Variants in PHF12 observed in about 807,000 individuals in gnomAD.
PHF12 encodes the protein PHD finger protein 12, also known as PHD factor 1.
In PHF12, 6 loss-of-function variants were observed where a neutral mutation model predicts 99.8. The ratio of observed to expected loss-of-function variants is 0.06; its 90% CI spans 0.03 to 0.12. The LOEUF (loss-of-function observed/expected upper bound fraction) is 0.12. Among genes scored for constraint, PHF12 ranks in the 10% least tolerant of loss-of-function variants. The probability of loss-of-function intolerance (pLI) is 1.00; values close to 1 mark genes in which losing one functional copy is unlikely to be tolerated. For synonymous variants in PHF12, 480 were observed against 514.9 expected, an observed-to-expected ratio of 0.93 and a Z score of 0.92; for missense variants, 954 against 1,300.1, an observed-to-expected ratio of 0.73 and a Z score of 4.09.
At chr17:28,911,418 C>A (rs947913259) in intron 9 of PHF12, 181 bp from the exon 10 acceptor site, 2 of 752,248 alleles carry the variant, frequency 2.7e-6, no homozygotes, top group African/African-American at 1.8e-5. Flanking sequence ...GCAGATGGAA[C>A]GACAAAGCAC....
In PHF12 at chr17:28,914,671, C is replaced by CAAAAAA. The variant is rs61203588; in HGVS notation, c.1135-640_1135-635dup. Among the ~76,000 whole-genome samples the CAAAAAA allele has an allele frequency of 8.6e-3, 261 of 30,334 alleles. 30 individuals are homozygous for CAAAAAA. The highest frequency in any genetic ancestry group is 0.039 in the East Asian group (24 of 622). The allele number at this position is 30,334 out of a possible 152,430, so 19.9% of individuals were successfully genotyped here. A position where few individuals can be genotyped will look rare whatever the true frequency, so the allele number is the denominator to read the frequency against. ...TGGGTGAAAGAGCGAGACTCCGTCT[C>CAAAAAA]AAAAAAAAAAAAAAAAAAAAAAAAA... On this transcript the variant is annotated intron_variant, in intron 7 of 14. Coordinates refer to ENST00000332830, the MANE Select transcript of PHF12 (RefSeq NM_001033561.2).
chr17:28,940,656 G>C (rs897460674), intron 2 of PHF12, among the ~76,000 whole-genome samples: 32 of 152,168 alleles, frequency 2.1e-4, no homozygotes, highest in African/African-American at 7.0e-4. Flanking sequence ...ATAACCTTAG[G>C]CTTAAAGGAT....
chr17:28,910,398 C>T, intron 10 of PHF12, 29 bp from the exon 11 acceptor site: 1 of 1,593,102 alleles, frequency 6.3e-7, no homozygotes, highest in African/African-American at 1.3e-5. Flanking sequence ...GATTAAAAAG[C>T]AGCTGAGATG....
At chr17:28,947,901 A>AAT (rs1555609181) in intron 2 of PHF12, among the ~76,000 whole-genome samples, 1 of 151,760 alleles carries the variant, frequency 6.6e-6, no homozygotes, top group South Asian at 2.1e-4. Flanking sequence ...AAAAAAAAAA[A>AAT]TTTCAATGAA....
intron 9 of PHF12, among the ~76,000 whole-genome samples, chr17:28,911,644 G>C (rs2039962709): frequency 1.3e-5 from 2 of 152,206 alleles, no homozygotes; most frequent in African/African-American, 4.8e-5. Context: ...AACAGAGATA[G>C]GAAAACAGCC....
chr17:28,943,888 G>T (rs2152678659), intron 2 of PHF12, among the ~76,000 whole-genome samples: 1 of 152,280 alleles, frequency 6.6e-6, no homozygotes, highest in South Asian at 2.1e-4. Flanking sequence ...GTAATTTTAG[G>T]TATCACTTGT....
Position 28,949,711 on chromosome 17 carries a change from C to T in PHF12, c.248+354G>A. On this transcript the variant is annotated intron_variant, in intron 2 of 14. Transcript: ENST00000332830. This position sits in a 1 kb window ranked among gnomAD's most constrained non-coding sequence, Gnocchi z 4.6. ...GGGCAGGAGCCCCGAGGGCAGCGGGCGCGCGGGCAGGCAAGCGGCACTGGG... is the reference window on the plus strand; with the variant it reads ...GGGCAGGAGCCCCGAGGGCAGCGGGTGCGCGGGCAGGCAAGCGGCACTGGG... The T allele has an allele frequency of 5.3e-6, 1 of 187,154 alleles. No homozygotes were observed. 11.6% of individuals were successfully genotyped at this position (187,154 alleles called of 1,614,324 possible). A position where few individuals can be genotyped will look rare whatever the true frequency, so the allele number is the denominator to read the frequency against.
At chr17:28,920,000 C>A (rs1347156665) in intron 5 of PHF12, among the ~76,000 whole-genome samples, 1 of 152,154 alleles carries the variant, frequency 6.6e-6, no homozygotes, top group Non-Finnish European at 1.5e-5. Context: ...CACTAGCAAC[C>A]TTTCTGGAGT....
chr17:28,925,914 C>CT (rs1160922905), intron 3 of PHF12: 2 of 152,238 alleles, frequency 1.3e-5, no homozygotes, highest in Non-Finnish European at 2.9e-5. Flanking sequence ...TCAGGTCCAG[C>CT]TTTTTTGAGT....
At chr17:28,944,806 G>A (rs2040692929) in intron 2 of PHF12, 1 of 152,200 alleles carries the variant, frequency 6.6e-6, no homozygotes, top group Non-Finnish European at 1.5e-5. Context: ...CGAGGGGAAG[G>A]AATCTAGACG....
intron 2 of PHF12, among the ~76,000 whole-genome samples, chr17:28,946,776 G>T (rs201720893): frequency 2.0e-5 from 3 of 152,006 alleles, no homozygotes; most frequent in Admixed American, 6.6e-5. Context: ...GGCCTCAGGC[G>T]ATCCTCCCAC....
At position 28,950,361 on chromosome 17, in the gene PHF12, T is replaced by A. The variant is rs1323012912; in HGVS notation, c.67-115A>T. 8.4e-7 allele frequency: 1 copy of A among 1,189,882 alleles called. No homozygotes were observed. The highest frequency in any genetic ancestry group is 2.6e-5 in the Admixed American group (1 of 37,850). The allele number at this position is 1,189,882 out of a possible 1,614,324, so 73.7% of individuals were successfully genotyped here. A position where few individuals can be genotyped will look rare whatever the true frequency, so the allele number is the denominator to read the frequency against. On this transcript the variant is annotated intron_variant, in intron 1 of 14. Coordinates refer to ENST00000332830, the MANE Select transcript of PHF12 (RefSeq NM_001033561.2). The surrounding 1 kb of genome is among the most constrained non-coding windows in gnomAD (Gnocchi z 5.7). ...CTCTCCCCCCTTTTGTCCTTCTTCC[T>A]CCCATCCAGGCTGCTCCCAGAATCT...
chr17:28,921,390 C>T (rs2040162020), intron 5 of PHF12, among the ~76,000 whole-genome samples: 1 of 151,644 alleles, frequency 6.6e-6, no homozygotes, highest in African/African-American at 2.4e-5. Flanking sequence ...TGGTCTCAAG[C>T]TCCCAGGTTC....
chr17:28,911,052 G>A (rs2039950662), intron 10 of PHF12, 60 bp downstream of exon 10: 5 of 1,608,310 alleles, frequency 3.1e-6, no homozygotes, highest in Non-Finnish European at 3.4e-6. Flanking sequence ...GCTGAATGCT[G>A]TATAGGAATA....
At chr17:28,914,800 G>A (rs989850268) in intron 7 of PHF12, among the ~76,000 whole-genome samples, 2 of 146,720 alleles carry the variant, frequency 1.4e-5, no homozygotes, top group African/African-American at 5.0e-5. Context: ...AGACGTCTTT[G>A]TGCAACAAAA....
chr17:28,937,038 AG>A, intron 2 of PHF12, among the ~76,000 whole-genome samples: 1 of 152,326 alleles, frequency 6.6e-6, no homozygotes, highest in South Asian at 2.1e-4. Flanking sequence ...TGCTCTATAA[AG>A]GGAGCCATGA....
Position 28,907,635 on chromosome 17 carries a change from G to A in PHF12, c.2496C>T (p.His832=), listed in dbSNP as rs1467456756. 1.2e-6 allele frequency: 2 copies of A among 1,613,912 alleles called. No individual in the cohort carries two copies. The highest frequency in any genetic ancestry group is 1.7e-5 in the Admixed American group (1 of 60,000). ...DMDVCLTNYG[H]CNYVSGKHAC... ...CATGTTTCCCGGACACGTAGTTACAGTGACCATAGTTTGTAAGGCACACAT... is the reference window on the plus strand; with the variant it reads ...CATGTTTCCCGGACACGTAGTTACAATGACCATAGTTTGTAAGGCACACAT... Residue 832 remains histidine (H), a synonymous_variant, in exon 13 of 15, where the codon CAC becomes CAT. Coordinates refer to ENST00000332830, the MANE Select transcript of PHF12 (RefSeq NM_001033561.2).
intron 4 of PHF12, 124 bp downstream of exon 4, chr17:28,923,785 G>T: frequency 1.7e-6 from 2 of 1,201,094 alleles, no homozygotes; most frequent in Non-Finnish European, 2.3e-6. Context: ...TCTCCAAGCA[G>T]AACTAGGAAC....
chr17:28,939,977 C>A (rs1477411902), intron 2 of PHF12, among the ~76,000 whole-genome samples: 1 of 152,234 alleles, frequency 6.6e-6, no homozygotes, highest in Non-Finnish European at 1.5e-5. Flanking sequence ...AAGACTGACG[C>A]TACATTCAGG....
Sources: gnomAD v4.1 joint callset for allele counts (sites outside exome capture counted in the v4.1 genomes callset) on GRCh38, gnomAD v4.1.1 for gene constraint, Gnocchi (gnomAD v3.1) non-coding constraint, MANE v1.5 for transcripts, NCBI Gene and HGNC (gene_info 2026-07-23, HGNC 2026-07-21) for gene names.